ROR1: variants seen among roughly 807,000 people sequenced by gnomAD.
ROR1 encodes inactive tyrosine-protein kinase transmembrane receptor ROR1.
ROR1 carries 19 observed loss-of-function variants against 78.8 expected under a neutral mutation model. The observed-to-expected ratio is 0.24, with a 90% confidence interval of 0.17 to 0.35. The LOEUF (loss-of-function observed/expected upper bound fraction) is 0.35. Among genes scored for constraint, ROR1 ranks in the 10% least tolerant of loss-of-function variants. The probability of loss-of-function intolerance (pLI) is 1.00; values close to 1 mark genes in which losing one functional copy is unlikely to be tolerated. For missense variants in ROR1, 917 were observed against 1,177.8 expected (o/e 0.78, Z 3.24); for synonymous variants, 386 against 433.6 (o/e 0.89, Z 1.36).
At chr1:64,155,445 C>G (rs1017761102) in intron 7 of ROR1, among the ~76,000 whole-genome samples, 1 of 146,086 alleles carries the variant, frequency 6.8e-6, no homozygotes, top group Non-Finnish European at 1.5e-5. Context: ...GTATTGTTCT[C>G]CTTGATTATT....
chr1:64,065,318 C>G (rs926132963), intron 4 of ROR1, among the ~76,000 whole-genome samples: 1 of 152,208 alleles, frequency 6.6e-6, no homozygotes, highest in African/African-American at 2.4e-5. Flanking sequence ...TCTGCTATAC[C>G]AGCTGTCCTT....
At chr1:63,808,685 G>T (rs645945) in intron 1 of ROR1, among the ~76,000 whole-genome samples, 28,937 of 152,100 alleles carry the variant, frequency 0.19, 7,323 homozygotes, top group African/African-American at 0.58. Context: ...GTGTCATGTG[G>T]GTCTCTCTGG....
At chr1:64,059,979 T>G (rs1270219878) in intron 4 of ROR1, among the ~76,000 whole-genome samples, 4 of 124,436 alleles carry the variant, frequency 3.2e-5, no homozygotes, top group Non-Finnish European at 6.6e-5. Flanking sequence ...GCCATAAAAT[T>G]CCATTCTTAA....
intron 1 of ROR1, among the ~76,000 whole-genome samples, chr1:63,879,880 A>C (rs2100372477): frequency 6.6e-6 from 1 of 152,330 alleles, no homozygotes; most frequent in East Asian, 1.9e-4. Flanking sequence ...CTAAGCTGAA[A>C]TAGATTTTTT....
chr1:63,774,326 G>A lies in ROR1; in HGVS notation c.-92G>A. ...CGGCGTCCTGCGAGCGCCAGCGGCC[G>A]GGACGAGGCGGCCGGGAGCCCGGGA... On this transcript the variant is annotated 5_prime_UTR_variant, in exon 1 of 9. Transcript: ENST00000371079. This position sits in a 1 kb window ranked among gnomAD's most constrained non-coding sequence, Gnocchi z 5.7. The A allele has an allele frequency of 1.3e-6, 1 of 790,484 alleles. No individual in the cohort carries two copies. The highest frequency in any genetic ancestry group is 1.9e-5 in the South Asian group (1 of 52,320). The allele number at this position is 790,484 out of a possible 1,614,324, so 49.0% of individuals were successfully genotyped here. A position where few individuals can be genotyped will look rare whatever the true frequency, so the allele number is the denominator to read the frequency against.
At chr1:63,788,809 G>A (rs1644707414) in intron 1 of ROR1, 5 of 624,538 alleles carry the variant, frequency 8.0e-6, no homozygotes, top group East Asian at 6.9e-5. Flanking sequence ...TGCTTCCTTG[G>A]TCTTAGACCT....
At chr1:64,145,498 C>A (rs1406373594) in intron 7 of ROR1, among the ~76,000 whole-genome samples, 2 of 152,142 alleles carry the variant, frequency 1.3e-5, no homozygotes, top group Non-Finnish European at 1.5e-5. Flanking sequence ...CACCACACCC[C>A]CTTTGTGTTG....
intron 1 of ROR1, among the ~76,000 whole-genome samples, chr1:63,806,381 A>G (rs1265469798): frequency 6.7e-6 from 1 of 149,472 alleles, no homozygotes; most frequent in East Asian, 2.0e-4. Flanking sequence ...GCAGTGGCAC[A>G]ATCCCAGCCC....
At chr1:63,846,053 C>T (rs538964194) in intron 1 of ROR1, among the ~76,000 whole-genome samples, 17 of 151,882 alleles carry the variant, frequency 1.1e-4, no homozygotes, top group East Asian at 3.9e-4. Context: ...TGAAGGGCAC[C>T]GCAACCCACA....
intron 1 of ROR1, among the ~76,000 whole-genome samples, chr1:63,825,484 A>G (rs1427865014): frequency 6.6e-6 from 1 of 152,242 alleles, no homozygotes; most frequent in African/African-American, 2.4e-5. Flanking sequence ...GCAAAAAACT[A>G]GAGACAGAAA....
At chr1:63,861,272 G>A (rs1034713910) in intron 1 of ROR1, among the ~76,000 whole-genome samples, 5 of 152,178 alleles carry the variant, frequency 3.3e-5, no homozygotes, top group South Asian at 2.1e-4. Flanking sequence ...ACGCTGAGAC[G>A]TGGCTGCCAG....
chr1:63,818,402 G>T (rs1399827012), intron 1 of ROR1, among the ~76,000 whole-genome samples: 2 of 152,198 alleles, frequency 1.3e-5, no homozygotes, highest in Non-Finnish European at 2.9e-5. Flanking sequence ...ATGTCAGACA[G>T]ATTGAAAAGT....
At chr1:63,865,293 T>G (rs673023) in intron 1 of ROR1, among the ~76,000 whole-genome samples, 23,911 of 152,112 alleles carry the variant, frequency 0.16, 3,841 homozygotes, top group African/African-American at 0.42. Context: ...GTTAGAGAGA[T>G]GATAAAATTC....
At chr1:64,073,398 A>C (rs1647023349) in intron 4 of ROR1, among the ~76,000 whole-genome samples, 1 of 152,232 alleles carries the variant, frequency 6.6e-6, no homozygotes, top group East Asian at 1.9e-4. Context: ...GGCACAGGGG[A>C]GCCTCTACAA....
At chr1:64,056,105 A>G (rs1203117407) in intron 4 of ROR1, among the ~76,000 whole-genome samples, 1 of 152,022 alleles carries the variant, frequency 6.6e-6, no homozygotes, top group Non-Finnish European at 1.5e-5. Flanking sequence ...GGTTGCTTCT[A>G]CTTTTTGCTT....
intron 1 of ROR1, among the ~76,000 whole-genome samples, chr1:63,960,264 T>A (rs1483102974): frequency 6.6e-5 from 10 of 152,150 alleles, no homozygotes; most frequent in African/African-American, 2.4e-5. Flanking sequence ...GGTGGGGAGA[T>A]CTTTTGGGAA....
intron 1 of ROR1, among the ~76,000 whole-genome samples, chr1:63,874,002 T>C (rs1339012480): frequency 3.3e-5 from 5 of 152,304 alleles, no homozygotes; most frequent in Middle Eastern, 3.4e-3. Flanking sequence ...GGCTAACCTG[T>C]TAAGAACTGG....
chr1:63,919,354 T>C (rs941070517), intron 1 of ROR1, among the ~76,000 whole-genome samples: 2 of 152,216 alleles, frequency 1.3e-5, no homozygotes, highest in Non-Finnish European at 2.9e-5. Flanking sequence ...GAGAGGTTTT[T>C]CTTTTAATCA....
chr1:63,921,749 A>G (rs1201570232), intron 1 of ROR1, among the ~76,000 whole-genome samples: 2 of 152,236 alleles, frequency 1.3e-5, no homozygotes, highest in East Asian at 1.9e-4. Flanking sequence ...CAGACTTGCT[A>G]TGTGACCTAG....
Sources: allele counts gnomAD v4.1 joint callset (sites outside exome capture counted in the v4.1 genomes callset), GRCh38; gene constraint gnomAD v4.1.1; non-coding constraint Gnocchi (gnomAD v3.1); transcripts MANE v1.5; gene names NCBI Gene and HGNC (gene_info 2026-07-23, HGNC 2026-07-21).